SAMD5: variants seen among roughly 807,000 people sequenced by gnomAD.
SAMD5 encodes the protein sterile alpha motif domain containing 5.
A neutral mutation model predicts 11.3 loss-of-function variants in SAMD5; 13 were observed. The ratio of observed to expected loss-of-function variants is 1.15; its 90% CI spans 0.75 to 1.83. The LOEUF is 1.83. Among genes scored for constraint, SAMD5 ranks in the 40% most tolerant of loss-of-function variants. The pLI, the probability that SAMD5 is intolerant of heterozygous loss-of-function variation, is 0.00. For synonymous variants in SAMD5, 129 were observed against 111.3 expected (o/e 1.16, Z -1.00); for missense variants, 255 against 239.1 (o/e 1.07, Z -0.44).
chr6:147,712,808 T>TAAA (rs577741223), intron 1 of SAMD5, among the ~76,000 whole-genome samples: 4 of 123,888 alleles, frequency 3.2e-5, no homozygotes, highest in African/African-American at 1.4e-4. Context: ...TCTGGAACTA[T>TAAA]AAAAAAAAAA....
At chr6:147,908,882 T>A in the SAMD5 span, among the ~76,000 whole-genome samples, 2 of 152,174 alleles carry the variant, frequency 1.3e-5, no homozygotes, top group African/African-American at 4.8e-5. Flanking sequence ...CAATACCAGA[T>A]GCAGGCTAAG....
chr6:147,699,758 C>G (rs916084988), intron 1 of SAMD5, among the ~76,000 whole-genome samples: 4 of 152,146 alleles, frequency 2.6e-5, no homozygotes, highest in Non-Finnish European at 5.9e-5. Context: ...GTTGTAAATT[C>G]TTCAAAACAG....
the SAMD5 span, among the ~76,000 whole-genome samples, chr6:147,918,956 T>G: frequency 6.6e-6 from 1 of 152,062 alleles, no homozygotes; most frequent in Non-Finnish European, 1.5e-5. Flanking sequence ...CTGCCTGCCT[T>G]GGCCTCCCAA....
intron 1 of SAMD5, among the ~76,000 whole-genome samples, chr6:147,625,063 C>T (rs1040612041): frequency 2.6e-5 from 4 of 152,096 alleles, no homozygotes; most frequent in South Asian, 2.1e-4. Context: ...AAAGACTGGG[C>T]GAAACAGGTG....
At chr6:147,612,313 A>G (rs1280233600) in intron 1 of SAMD5, among the ~76,000 whole-genome samples, 2 of 152,216 alleles carry the variant, frequency 1.3e-5, no homozygotes, top group Non-Finnish European at 2.9e-5. Context: ...CCAAAAAGTC[A>G]CAATGTGTGC....
Position 147,566,836 on chromosome 6 carries a change from A to G in SAMD5, c.*2380A>G. 2 of 977,672 alleles carry G rather than the reference A, an allele frequency of 2.0e-6. No individual in the cohort carries two copies. The highest frequency in any genetic ancestry group is 2.4e-6 in the Non-Finnish European group (2 of 822,972). The allele number at this position is 977,672 out of a possible 1,614,324, so 60.6% of individuals were successfully genotyped here. A position where few individuals can be genotyped will look rare whatever the true frequency, so the allele number is the denominator to read the frequency against. On this transcript the variant is annotated 3_prime_UTR_variant, in exon 2 of 2. Coordinates refer to ENST00000367474, the MANE Select transcript of SAMD5 (RefSeq NM_001030060.3). The stretch of plus-strand genomic sequence containing the variant: ...TTAAAATCAAGATGAGGTAAGAGGT[A>G]GAATATAAGAGAAAGGGATTATTTT...
chr6:147,696,343 A>C (rs1791175853), intron 1 of SAMD5, among the ~76,000 whole-genome samples: 1 of 152,232 alleles, frequency 6.6e-6, no homozygotes, highest in Non-Finnish European at 1.5e-5. Flanking sequence ...TGGCTTACCC[A>C]GCCTGTGTCA....
the SAMD5 span, among the ~76,000 whole-genome samples, chr6:147,752,695 A>G: frequency 6.6e-6 from 1 of 152,144 alleles, no homozygotes; most frequent in African/African-American, 2.4e-5. Context: ...TATTATATTT[A>G]CATATTCTGG....
rs1023392938 is a variant in SAMD5 at position 147,578,348 on chromosome 6, G to A, written c.162+68961G>A. On this transcript the variant is annotated intron_variant, in intron 1 of 1. Coordinates refer to the SAMD5 transcript ENST00000566741. The stretch of plus-strand genomic sequence containing the variant: ...CAGGAAATAATGTTGAGCAACTAAC[G>A]TGTCATACCCATTTCCATTCCCACA... 6.6e-5 allele frequency among the ~76,000 whole-genome samples: 10 copies of A among 152,062 alleles called. No individual in the cohort carries two copies. In the East Asian group the frequency reaches 1.7e-3, roughly 26 times the overall value.
intron 1 of SAMD5, among the ~76,000 whole-genome samples, chr6:147,585,950 A>G (rs1789367524): frequency 6.6e-6 from 1 of 152,186 alleles, no homozygotes; most frequent in Non-Finnish European, 1.5e-5. Context: ...TTTAAATCAA[A>G]GTTTCTTCAT....
At chr6:147,541,176 C>T (rs949758864) in intron 1 of SAMD5, among the ~76,000 whole-genome samples, 23 of 152,030 alleles carry the variant, frequency 1.5e-4, no homozygotes, top group Non-Finnish European at 3.2e-4. Flanking sequence ...TTTCGAACTA[C>T]TGACCTCAAG....
In SAMD5 at chr6:147,610,300, T is replaced by G. The variant is rs889763006; in HGVS notation, c.162+100913T>G. Among the ~76,000 whole-genome samples the G allele has an allele frequency of 3.3e-5, 5 of 152,140 alleles. No individual in the cohort carries two copies. In the South Asian group the frequency reaches 8.3e-4, roughly 25 times the overall value. On this transcript the variant is annotated intron_variant, in intron 1 of 1. Coordinates refer to the SAMD5 transcript ENST00000566741. The stretch of plus-strand genomic sequence containing the variant: ...ATTCCTAACTGATCTACCCCATTGA[T>G]GTAAAAAATAGGAGGAAAAAAATGT...
intron 1 of SAMD5, among the ~76,000 whole-genome samples, chr6:147,709,819 C>T (rs1280026294): frequency 2.0e-5 from 3 of 152,168 alleles, no homozygotes; most frequent in Non-Finnish European, 1.5e-5. Flanking sequence ...TGGTACCCAT[C>T]ATCTTTTCTC....
At chr6:147,904,487 G>A in the SAMD5 span, among the ~76,000 whole-genome samples, 1 of 152,188 alleles carries the variant, frequency 6.6e-6, no homozygotes, top group Non-Finnish European at 1.5e-5. Flanking sequence ...TGGATTATGT[G>A]AGAAAGAAAA....
In SAMD5 at chr6:147,566,067, A is replaced by G. The variant is rs2128444777; in HGVS notation, c.*1611A>G. On this transcript the variant is annotated 3_prime_UTR_variant, in exon 2 of 2. Transcript: ENST00000367474. ...GAATAGATAGGCCATTAAGAAGGAT[A>G]TTAGGTTTCTAAGGACAATTTTAAC... The G allele has an allele frequency of 1.0e-6, 1 of 984,232 alleles. No homozygotes were observed. The highest frequency in any genetic ancestry group is 1.2e-6 in the Non-Finnish European group (1 of 828,842). The allele number at this position is 984,232 out of a possible 1,614,324, so 61.0% of individuals were successfully genotyped here.
rs1218270527 is a variant in SAMD5, at chr6:147,565,549, C to T, written c.*1093C>T. 1 of 636,240 alleles carries T rather than the reference C, an allele frequency of 1.6e-6. No individual in the cohort carries two copies. The highest frequency in any genetic ancestry group is 2.0e-5 in the African/African-American group (1 of 49,946). The allele number at this position is 636,240 out of a possible 1,614,324, so 39.4% of individuals were successfully genotyped here. On this transcript the variant is annotated 3_prime_UTR_variant, in exon 2 of 2. Transcript: ENST00000367474. The stretch of plus-strand genomic sequence containing the variant: ...TCTTGGCTCACAGTGACTTTCGCCT[C>T]CCAGGTTCAAGGAATTCTCCTGCCT...
At chr6:147,511,996 C>T (rs564475777) in intron 1 of SAMD5, among the ~76,000 whole-genome samples, 2 of 152,270 alleles carry the variant, frequency 1.3e-5, no homozygotes, top group South Asian at 4.1e-4. Context: ...CATTCTGTTG[C>T]CCAGGCTGGA....
At chr6:147,924,777 T>TATAAATAA in the SAMD5 span, among the ~76,000 whole-genome samples, 1,134 of 147,180 alleles carry the variant, frequency 7.7e-3, 8 homozygotes, top group Non-Finnish European at 9.7e-3. Flanking sequence ...TTAATTTTGT[T>TATAAATAA]ATAAATAAAT....
At chr6:147,534,830 AT>A (rs1478520823) in intron 1 of SAMD5, among the ~76,000 whole-genome samples, 1 of 152,120 alleles carries the variant, frequency 6.6e-6, no homozygotes, top group Non-Finnish European at 1.5e-5. Flanking sequence ...ATAATTTTTA[AT>A]TTTGTGGCGG....
Sources: allele counts gnomAD v4.1 joint callset (sites outside exome capture counted in the v4.1 genomes callset), GRCh38; gene constraint gnomAD v4.1.1; transcripts MANE v1.5; gene names NCBI Gene and HGNC (gene_info 2026-07-23, HGNC 2026-07-21).